MYL5: variants seen among roughly 807,000 people sequenced by gnomAD.
MYL5 encodes the protein myosin regulatory light chain 5.
In MYL5, 28 loss-of-function variants were observed where a neutral mutation model predicts 20.8. The ratio of observed to expected loss-of-function variants is 1.35; its 90% CI spans 1.00 to 1.84. The LOEUF is 1.84. Among genes scored for constraint, MYL5 ranks in the 40% most tolerant of loss-of-function variants. The pLI is 0.00. For missense variants in MYL5, 274 were observed against 227.3 expected (o/e 1.21, Z -1.32); for synonymous variants, 118 against 87.4 (o/e 1.35, Z -1.95).
At position 678,649 on chromosome 4, in the gene MYL5, C is replaced by T; in HGVS notation, c.4-9C>T. ...CCCAGGACCCTCAGCCATGGTGCTC[C>T]CACCGCAGGCCAGCAGGAAGACCAA... is the stretch of plus-strand genomic sequence containing the variant. On this transcript the variant is annotated splice_polypyrimidine_tract_variant and intron_variant, in intron 1 of 6. Coordinates refer to ENST00000400159, the Ensembl canonical transcript of MYL5. 6.3e-7 allele frequency: 1 copy of T among 1,599,624 alleles called. No individual in the cohort carries two copies. Among genetic ancestry groups the T allele is most frequent in the Non-Finnish European group, 8.5e-7 (1 of 1,173,870 alleles).
chr4:678,923 G>A (rs1739138967), intron 2 of MYL5, 35 bp from the exon 5 acceptor site: 4 of 1,611,964 alleles, frequency 2.5e-6, no homozygotes, highest in Non-Finnish European at 3.4e-6. Flanking sequence ...GCCCAGCCGG[G>A]TTGGCAGCAC....
intron 6 of MYL5, 114 bp downstream of exon 8, chr4:681,254 A>T (rs1236743588): frequency 1.2e-5 from 15 of 1,286,230 alleles, no homozygotes; most frequent in Admixed American, 8.2e-5. Context: ...AGGACCCAGG[A>T]CAGAACAGGC....
rs532077952 is a variant in MYL5 at position 680,971 on chromosome 4, G to A, written c.372-121G>A. On this transcript the variant is annotated intron_variant, in intron 5 of 6. Coordinates refer to ENST00000400159, the Ensembl canonical transcript of MYL5. ...GGACCTGCCCCAGGGCCACACTCCA[G>A]CGGGAAGGGCGGGAGTGCAGTGAGC... The A allele has an allele frequency of 7.5e-5, 86 of 1,142,208 alleles. No individual in the cohort carries two copies. In the African/African-American group the frequency reaches 1.2e-3, roughly 16 times the overall value. The allele number at this position is 1,142,208 out of a possible 1,614,324, so 70.8% of individuals were successfully genotyped here. A position where few individuals can be genotyped will look rare whatever the true frequency, so the allele number is the denominator to read the frequency against.
At chr4:677,967 G>C (rs1739013816) in exon 1 of MYL5, 1 of 1,613,050 alleles carries the variant, frequency 6.2e-7, no homozygotes, top group South Asian at 1.1e-5. Context: ...CCAAGCAGGA[G>C]CTTAAGATGG....
At chr4:680,112 C>G in intron 4 of MYL5, 94 bp downstream of exon 6, 4 of 1,226,740 alleles carry the variant, frequency 3.3e-6, no homozygotes, top group Non-Finnish European at 3.4e-6. Flanking sequence ...TTTCCAATCT[C>G]TGGAGAAGCC....
intron 1 of MYL5, 190 bp downstream of exon 3, chr4:678,219 G>A (rs1348079947): frequency 1.3e-6 from 2 of 1,501,906 alleles, no homozygotes; most frequent in Non-Finnish European, 1.8e-6. Flanking sequence ...TGCGGGTGTG[G>A]GCTGTGCTGT....
At chr4:678,053 T>C (rs770179209) in intron 1 of MYL5, 24 bp downstream of exon 3, 2 of 1,612,874 alleles carry the variant, frequency 1.2e-6, no homozygotes. Flanking sequence ...CGTGCATGCC[T>C]GGGGCAGGCG....
chr4:681,741 C>T (rs1363536632), intron 6 of MYL5, 152 bp from the exon 9 acceptor site: 1 of 853,262 alleles, frequency 1.2e-6, no homozygotes, highest in Admixed American at 5.3e-5. Context: ...TCCAGCGCCG[C>T]CCCGCCCCCT....
At chr4:678,927 G>A in intron 2 of MYL5, 31 bp from the exon 5 acceptor site, 1 of 1,612,914 alleles carries the variant, frequency 6.2e-7, no homozygotes, top group Non-Finnish European at 8.5e-7. Context: ...AGCCGGGTTG[G>A]CAGCACAGCA....
At chr4:679,510 G>C (rs888826948) in intron 3 of MYL5, among the ~76,000 whole-genome samples, 1 of 152,230 alleles carries the variant, frequency 6.6e-6, no homozygotes, top group African/African-American at 2.4e-5. Flanking sequence ...GGCACATTCT[G>C]TTCCCAGCAG....
At chr4:681,922 C>G (rs371314686) in exon 7 of MYL5, 4 of 1,321,022 alleles carry the variant, frequency 3.0e-6, no homozygotes, top group Middle Eastern at 2.0e-4. Flanking sequence ...TCGCCTCCAT[C>G]GATGTGGCGG....
chr4:679,235 A>T, intron 3 of MYL5: 5 of 669,782 alleles, frequency 7.5e-6, no homozygotes, highest in Non-Finnish European at 1.3e-5. Flanking sequence ...AGGGTGAGAC[A>T]GGGTGGGTGG....
upstream of MYL5, chr4:676,454 C>T (rs780615187): frequency 5.9e-5 from 9 of 152,266 alleles, no homozygotes; most frequent in Admixed American, 5.2e-4. Context: ...AAGGCCTTTC[C>T]TGAGAGCTTA....
In MYL5 at chr4:681,076, CT is replaced by C; in HGVS notation, c.372-13del. ...CCCCCGCATCAGCCCGCGCTGACCC[CT>C]TTCCTCGTCCTCAGCATCAAGCGTC... On this transcript the variant is annotated splice_polypyrimidine_tract_variant and intron_variant, in intron 5 of 6. Transcript: ENST00000400159. 6.3e-7 allele frequency: 1 copy of C among 1,593,058 alleles called. No homozygotes were observed. Among genetic ancestry groups the C allele is most frequent in the South Asian group, 1.1e-5 (1 of 87,718 alleles).
At chr4:678,536 C>G in intron 1 of MYL5, 122 bp from the exon 4 acceptor site, 8 of 1,465,230 alleles carry the variant, frequency 5.5e-6, no homozygotes, top group South Asian at 4.3e-5. Flanking sequence ...GCTGTCTGGC[C>G]CCCTCCAGCC....
intron 2 of MYL5, 33 bp downstream of exon 4, chr4:678,798 C>A (rs761355066): frequency 1.2e-6 from 2 of 1,607,726 alleles, no homozygotes; most frequent in Non-Finnish European, 8.5e-7. Flanking sequence ...GGAGCCCCCA[C>A]CCCCAGGAGC....
At chr4:678,557 A>G in intron 1 of MYL5, 101 bp from the exon 4 acceptor site, 1 of 1,491,734 alleles carries the variant, frequency 6.7e-7, no homozygotes, top group Non-Finnish European at 8.9e-7. Context: ...CGAAGGGCTG[A>G]GGTCCACCCT....
chr4:680,868 G>A (rs907025850), intron 5 of MYL5: 7 of 643,694 alleles, frequency 1.1e-5, no homozygotes, highest in Non-Finnish European at 1.9e-5. Context: ...ACCAGGCGCT[G>A]GCCTGTAACC....
exon 7 of MYL5, chr4:681,980 G>A (rs1739774591): frequency 2.9e-6 from 4 of 1,403,146 alleles, no homozygotes; most frequent in Admixed American, 2.7e-5. Flanking sequence ...CCACGGGGAG[G>A]AGAAGGAGGA....
Sources: allele counts gnomAD v4.1 joint callset (sites outside exome capture counted in the v4.1 genomes callset), GRCh38; gene constraint gnomAD v4.1.1; transcripts MANE v1.5; gene names NCBI Gene and HGNC (gene_info 2026-07-23, HGNC 2026-07-21).